Variants in SHMT1 observed in about 807,000 individuals in gnomAD.
SHMT1 encodes the protein serine hydroxymethyltransferase 1.
In SHMT1, 45 loss-of-function variants were observed where a neutral mutation model predicts 49.0. The ratio of observed to expected loss-of-function variants is 0.92; its 90% CI spans 0.72 to 1.18. The LOEUF (loss-of-function observed/expected upper bound fraction) is 1.18. Among genes scored for constraint, SHMT1 ranks in the 50% most tolerant of loss-of-function variants. The probability of loss-of-function intolerance (pLI) is 0.00; values close to 1 mark genes in which losing one functional copy is unlikely to be tolerated. For synonymous variants in SHMT1, 232 were observed against 246.6 expected, an observed-to-expected ratio of 0.94 and a Z score of 0.55; for missense variants, 541 against 612.4, an observed-to-expected ratio of 0.88 and a Z score of 1.23.
At chr17:18,339,993 G>A (rs1567777658) in intron 7 of SHMT1, 50 bp downstream of exon 7, 1 of 1,571,220 alleles carries the variant, frequency 6.4e-7, no homozygotes, top group African/African-American at 1.3e-5. Context: ...ACCCCCACAG[G>A]AGAAATGTAA....
Position 18,340,227 on chromosome 17 carries a change from T to G in SHMT1, c.630A>C (p.Glu210Asp). 15 of 1,614,130 alleles carry G rather than the reference T, an allele frequency of 9.3e-6. No homozygotes were observed. The highest frequency in any genetic ancestry group is 1.3e-5 in the Non-Finnish European group (15 of 1,179,982). ...AGTSCYSRNL[E>D]YARLRKIADE... Reference sequence around the variant, plus strand: ...CTGCAATCTTCCGTAGCCGGGCATATTCCAGGTTTCGGGAGTAGCAGCTGG... The same window carrying G: ...CTGCAATCTTCCGTAGCCGGGCATAGTCCAGGTTTCGGGAGTAGCAGCTGG... Residue 210 changes from glutamate (E) to aspartate (D), a missense_variant, in exon 7 of 12, where the codon GAA (glutamate) becomes GAC (aspartate). Transcript: ENST00000316694. The surrounding 1 kb of genome is among the most constrained non-coding windows in gnomAD (Gnocchi z 4.5).
Position 18,340,727 on chromosome 17 carries a change from A to C in SHMT1, c.601+5T>G, listed in dbSNP as rs1262559632. 16 of 1,610,760 alleles carry C rather than the reference A, an allele frequency of 9.9e-6. No homozygotes were observed. The highest frequency in any genetic ancestry group is 1.3e-5 in the Non-Finnish European group (15 of 1,178,596). On this transcript the variant is annotated splice_donor_5th_base_variant and intron_variant, in intron 6 of 11. Transcript: ENST00000316694. This position sits in a 1 kb window ranked among gnomAD's most constrained non-coding sequence, Gnocchi z 4.5. ...AACAAGGTGACTTTCCGCCCCGCGC[A>C]TCACCTGCGATGATCAGCTTCGGGT...
intron 5 of SHMT1, among the ~76,000 whole-genome samples, chr17:18,344,527 TA>T (rs1267985642): frequency 3.9e-5 from 2 of 51,256 alleles, no homozygotes; most frequent in African/African-American, 1.6e-4. Flanking sequence ...AAAAAAGATT[TA>T]AAAAAAATGG....
chr17:18,343,081 C>T (rs1287320501), intron 5 of SHMT1, among the ~76,000 whole-genome samples: 1 of 151,862 alleles, frequency 6.6e-6, no homozygotes, highest in East Asian at 1.9e-4. Flanking sequence ...TGCAGTTAGA[C>T]AGGAAGAAAA....
At chr17:18,349,740 G>C (rs1985483238) in intron 3 of SHMT1, among the ~76,000 whole-genome samples, 1 of 152,034 alleles carries the variant, frequency 6.6e-6, no homozygotes, top group East Asian at 1.9e-4. Context: ...AATAGGCCGG[G>C]CCCGGCGTAG....
chr17:18,340,741 T>G lies in SHMT1; in HGVS notation c.592A>C (p.Ile198Leu). 1 of 1,612,418 alleles carries G rather than the reference T, an allele frequency of 6.2e-7. No homozygotes were observed. The highest frequency in any genetic ancestry group is 8.5e-7 in the Non-Finnish European group (1 of 1,179,406). ...CCGCCCCGCGCATCACCTGCGATGA[T>G]CAGCTTCGGGTGGAAGAGGCGTGCG... ...ENARLFHPKLIIAGTSCYSRN... is the reference protein window; with the variant it reads ...ENARLFHPKLLIAGTSCYSRN... Residue 198 changes from isoleucine (I) to leucine (L), a missense_variant, in exon 6 of 12, where the codon ATC becomes CTC. By Grantham distance (5) the Ile-to-Leu change is conservative. Transcript: ENST00000316694. This position sits in a 1 kb window ranked among gnomAD's most constrained non-coding sequence, Gnocchi z 4.5.
intron 3 of SHMT1, among the ~76,000 whole-genome samples, chr17:18,349,928 G>C (rs866154901): frequency 5.3e-5 from 8 of 152,178 alleles, no homozygotes; most frequent in Middle Eastern, 3.4e-3. Flanking sequence ...GCTGAGGTAG[G>C]AGAATTGCTT....
At position 18,345,272 on chromosome 17, in the gene SHMT1, TC is replaced by T. The variant is rs569431838; in HGVS notation, c.519+2223del. On this transcript the variant is annotated intron_variant, in intron 5 of 11. Transcript: ENST00000316694. ...GGGACGCAGATTCTTTCTTTTTTTT[TC>T]TGGAGATGGAGTCTTGCTCTGTCAC... is the stretch of plus-strand genomic sequence containing the variant. Among the ~76,000 whole-genome samples the T allele has an allele frequency of 1.1e-3, 171 of 152,298 alleles. 1 individual carries two copies. Among genetic ancestry groups the T allele is most frequent in the Middle Eastern group, 3.4e-3 (1 of 294 alleles).
At chr17:18,343,218 AT>A (rs768688088) in intron 5 of SHMT1, among the ~76,000 whole-genome samples, 4 of 152,152 alleles carry the variant, frequency 2.6e-5, no homozygotes, top group Non-Finnish European at 5.9e-5. Context: ...AAAAAAGTCA[AT>A]TCCAAACAGA....
Position 18,340,484 on chromosome 17 carries a change from C to T in SHMT1, c.602-229G>A, listed in dbSNP as rs568319035. ...ATGGCCCCAACTACTATTGCCAGCG[C>T]AGTCAGGGCCTGACATTTCTAGATG... is the stretch of plus-strand genomic sequence containing the variant. On this transcript the variant is annotated intron_variant, in intron 6 of 11. Coordinates refer to ENST00000316694, the MANE Select transcript of SHMT1 (RefSeq NM_004169.5). This position sits in a 1 kb window ranked among gnomAD's most constrained non-coding sequence, Gnocchi z 4.5. 17 of 666,840 alleles carry T rather than the reference C, an allele frequency of 2.5e-5. No homozygotes were observed. In the East Asian group the frequency reaches 4.6e-4, roughly 18 times the overall value. 41.3% of individuals were successfully genotyped at this position (666,840 alleles called of 1,614,324 possible).
intron 9 of SHMT1, 98 bp downstream of exon 9, chr17:18,333,068 G>C: frequency 6.8e-7 from 1 of 1,466,044 alleles, no homozygotes; most frequent in Non-Finnish European, 9.5e-7. Context: ...TGCAGCTGCA[G>C]CAGCAGAGCC....
At position 18,329,136 on chromosome 17, in the gene SHMT1, C is replaced by G; in HGVS notation, c.1282+142G>C. 5 of 873,456 alleles carry G rather than the reference C, an allele frequency of 5.7e-6. No individual in the cohort carries two copies. The South Asian group carries it at 7.1e-5, about 12-fold the overall frequency. The allele number at this position is 873,456 out of a possible 1,614,324, so 54.1% of individuals were successfully genotyped here. A position where few individuals can be genotyped will look rare whatever the true frequency, so the allele number is the denominator to read the frequency against. ...TAACCCTCTCAGACAAGGTGATTTA[C>G]ATGTGTTTTTTGCTGTCTCCCACCC... On this transcript the variant is annotated intron_variant, in intron 11 of 11. Coordinates refer to ENST00000316694, the MANE Select transcript of SHMT1 (RefSeq NM_004169.5).
In SHMT1 at chr17:18,340,793, G is replaced by A. The variant is rs767550856; in HGVS notation, c.540C>T (p.Tyr180=). 1.2e-6 allele frequency: 2 copies of A among 1,613,286 alleles called. No individual in the cohort carries two copies. The highest frequency in any genetic ancestry group is 2.2e-5 in the South Asian group (2 of 90,840). ...MPYKVNPDTG[Y]INYDQLEENA... ...TCTCCTCCAGCTGGTCATAGTTGAT[G>A]TAGCCAGTATCTGGGTTCACCTGTG... Residue 180 remains tyrosine (Y), a synonymous_variant, in exon 6 of 12, where the codon TAC becomes TAT. Transcript: ENST00000316694. This position sits in a 1 kb window ranked among gnomAD's most constrained non-coding sequence, Gnocchi z 4.5.
intron 7 of SHMT1, among the ~76,000 whole-genome samples, chr17:18,338,296 C>CA (rs1418913407): frequency 6.6e-6 from 1 of 151,704 alleles, no homozygotes; most frequent in Non-Finnish European, 1.5e-5. Context: ...CTCCGCCTGG[C>CA]AGTCGCCCCG....
intron 5 of SHMT1, among the ~76,000 whole-genome samples, chr17:18,342,051 A>G (rs1267174498): frequency 1.3e-5 from 2 of 152,164 alleles, no homozygotes; most frequent in East Asian, 1.9e-4. Context: ...TTGTGAATCT[A>G]TATCTTAAGA....
At chr17:18,354,029 T>C (rs1392100951) in intron 2 of SHMT1, among the ~76,000 whole-genome samples, 1 of 152,198 alleles carries the variant, frequency 6.6e-6, no homozygotes, top group Non-Finnish European at 1.5e-5. Context: ...ACGACTGTAA[T>C]CCCAGCACTT....
Position 18,348,405 on chromosome 17 carries a change from T to A in SHMT1, c.278A>T (p.Glu93Val). The change falls in exon 4 of 12, where the codon GAG becomes GTG. Residue 93 changes from glutamate to valine, a missense_variant. Glu to Val is a moderately radical substitution (Grantham distance 121, BLOSUM62 -2). Coordinates refer to ENST00000316694, the MANE Select transcript of SHMT1 (RefSeq NM_004169.5). ...CAGGGCTCGCTTCTGACAGAGGGTC[T>A]CCAGTTCATCAATAAACTCAGTCCC... ...YGGTEFIDEL[E>V]TLCQKRALQA... 1.2e-6 allele frequency: 2 copies of A among 1,613,900 alleles called. No individual in the cohort carries two copies. The highest frequency in any genetic ancestry group is 1.7e-6 in the Non-Finnish European group (2 of 1,179,810).
At chr17:18,330,838 C>T (rs1983132417) in intron 9 of SHMT1, 167 bp from the exon 10 acceptor site, 6 of 676,658 alleles carry the variant, frequency 8.9e-6, no homozygotes, top group Admixed American at 6.1e-5. Flanking sequence ...ATGCCCGTGC[C>T]TAAGAATGTG....
chr17:18,354,904 GC>G (rs1986077420), intron 2 of SHMT1, among the ~76,000 whole-genome samples: 1 of 146,270 alleles, frequency 6.8e-6, no homozygotes, highest in African/African-American at 2.5e-5. Context: ...CAAAAAATTA[GC>G]CAGGGCGTGG....
Sources: gnomAD v4.1 joint callset for allele counts (sites outside exome capture counted in the v4.1 genomes callset) on GRCh38, gnomAD v4.1.1 for gene constraint, Gnocchi (gnomAD v3.1) non-coding constraint, MANE v1.5 for transcripts, NCBI Gene and HGNC (gene_info 2026-07-23, HGNC 2026-07-21) for gene names.